Variants in MFF observed in about 807,000 individuals in gnomAD.
MFF encodes the protein mitochondrial fission factor.
Under a neutral mutation model 36.9 loss-of-function variants are expected in MFF, and 12 were observed. That is an observed-to-expected ratio of 0.33 (90% CI 0.21 to 0.53). The LOEUF is 0.53. Ranked by LOEUF, MFF falls within the 20% of genes least tolerant of loss-of-function variation. The pLI, the probability that MFF is intolerant of heterozygous loss-of-function variation, is 0.95. For missense variants in MFF, 348 were observed against 366.6 expected (o/e 0.95, Z 0.42); for synonymous variants, 99 against 126.2 (o/e 0.78, Z 1.44).
chr2:227,329,660 G>T, intron 2 of MFF: 1 of 971,440 alleles, frequency 1.0e-6, no homozygotes, highest in Non-Finnish European at 1.7e-6. Flanking sequence ...GTTCAAATGT[G>T]TAGGGGAATT....
At chr2:227,331,901 A>T (rs2074598390) in intron 3 of MFF, among the ~76,000 whole-genome samples, 1 of 148,538 alleles carries the variant, frequency 6.7e-6, no homozygotes, top group Non-Finnish European at 1.5e-5. Context: ...ACATTGCATA[A>T]TTTCTTATTT....
In MFF at chr2:227,355,746, T is replaced by C; in HGVS notation, c.729T>C (p.Ala243=). 6.2e-7 allele frequency: 1 copy of C among 1,606,030 alleles called. No individual in the cohort carries two copies. Among genetic ancestry groups the C allele is most frequent in the Admixed American group, 1.7e-5 (1 of 59,926 alleles). The change falls in exon 8 of 9, where the codon GCT becomes GCC. Residue 243 remains alanine, a synonymous_variant. Coordinates refer to ENST00000304593, the MANE Select transcript of MFF (RefSeq NM_001277062.2). ...ATGACCTGACTGTTGTAGATGCAGCTTCACTAAGACGACAGGTATTTAGTG... is the reference window on the plus strand; with the variant it reads ...ATGACCTGACTGTTGTAGATGCAGCCTCACTAAGACGACAGGTATTTAGTG... ...TSDDLTVVDA[A]SLRRQIIKLN...
intron 3 of MFF, among the ~76,000 whole-genome samples, chr2:227,331,311 A>G (rs2106348287): frequency 6.6e-6 from 1 of 152,258 alleles, no homozygotes; most frequent in South Asian, 2.1e-4. Flanking sequence ...TCTTTTGTTC[A>G]GTGTAATGTT....
At chr2:227,339,233 C>T (rs995098055) in intron 4 of MFF, among the ~76,000 whole-genome samples, 2 of 151,674 alleles carry the variant, frequency 1.3e-5, no homozygotes, top group African/African-American at 4.8e-5. Flanking sequence ...TTCAAATAAG[C>T]AGAAAAGTTA....
At chr2:227,328,295 C>CA (rs869086091) in intron 1 of MFF, among the ~76,000 whole-genome samples, 2,144 of 72,520 alleles carry the variant, frequency 0.03, 111 homozygotes, top group African/African-American at 0.087. Context: ...GCCCGGGTGA[C>CA]AAAAAAAAAA....
In MFF at chr2:227,357,769, A is replaced by G. The variant is rs1452990152; in HGVS notation, c.*652A>G. 1 of 152,274 alleles carries G rather than the reference A, an allele frequency of 6.6e-6. No individual in the cohort carries two copies. The highest frequency in any genetic ancestry group is 1.5e-5 in the Non-Finnish European group (1 of 68,054). 9.4% of individuals were successfully genotyped at this position (152,274 alleles called of 1,614,324 possible). On this transcript the variant is annotated 3_prime_UTR_variant, in exon 9 of 9. Transcript: ENST00000304593. ...ACGTTTTTACTCAGTTCATGCGTGA[A>G]CAATTTAAAAAACGACAGAATAAGG... is the stretch of plus-strand genomic sequence containing the variant.
chr2:227,352,699 T>C, intron 7 of MFF, 126 bp downstream of exon 7: 1 of 761,382 alleles, frequency 1.3e-6, no homozygotes, highest in Admixed American at 2.0e-5. Flanking sequence ...CTTTCCTCGA[T>C]GAGTACATCT....
At position 227,356,980 on chromosome 2, in the gene MFF, A is replaced by G. The variant is rs2076290735; in HGVS notation, c.745-6A>G. On this transcript the variant is annotated splice_polypyrimidine_tract_variant and splice_region_variant and intron_variant, in intron 8 of 8. Coordinates refer to ENST00000304593, the MANE Select transcript of MFF (RefSeq NM_001277062.2). ...TATATTTTTTGTGTGTTTGTTTTTC[A>G]CTTAGATAATCAAACTAAATAGACG... is the stretch of plus-strand genomic sequence containing the variant. 6.6e-7 allele frequency: 1 copy of G among 1,512,586 alleles called. No homozygotes were observed. The allele number at this position is 1,512,586 out of a possible 1,614,324, so 93.7% of individuals were successfully genotyped here. A position where few individuals can be genotyped will look rare whatever the true frequency, so the allele number is the denominator to read the frequency against.
intron 7 of MFF, 93 bp from the exon 8 acceptor site, chr2:227,355,584 C>T (rs140636059): frequency 6.3e-6 from 4 of 634,270 alleles, no homozygotes; most frequent in African/African-American, 3.7e-5. Context: ...TTTCTGAATA[C>T]TACTTTGAGC....
At chr2:227,355,979 G>T (rs1237945836) in intron 8 of MFF, among the ~76,000 whole-genome samples, 1 of 147,370 alleles carries the variant, frequency 6.8e-6, no homozygotes, top group Non-Finnish European at 1.5e-5. Context: ...TGTAATTCTG[G>T]CCAGTAACAA....
Position 227,342,753 on chromosome 2 carries a change from G to T in MFF, c.440+2373G>T, listed in dbSNP as rs759646757. On this transcript the variant is annotated intron_variant, in intron 5 of 8. Transcript: ENST00000304593. Reference sequence around the variant, plus strand: ...CATAATTATTATTTAAGGTGGCACAGATCAGATTCTGCCCCAAGAAATAAA... The same window carrying T: ...CATAATTATTATTTAAGGTGGCACATATCAGATTCTGCCCCAAGAAATAAA... The T allele has an allele frequency of 1.2e-5, 20 of 1,613,082 alleles. No homozygotes were observed. The South Asian group carries it at 1.9e-4, about 15-fold the overall frequency.
chr2:227,346,644 A>G (rs2075727783), intron 5 of MFF: 1 of 152,278 alleles, frequency 6.6e-6, no homozygotes, highest in Non-Finnish European at 1.5e-5. Flanking sequence ...TATGCTTACT[A>G]TAATTAAACA....
intron 4 of MFF, among the ~76,000 whole-genome samples, chr2:227,335,469 C>A (rs369493635): frequency 1.3e-5 from 2 of 152,036 alleles, no homozygotes; most frequent in African/African-American, 4.8e-5. Context: ...TACTAAATGC[C>A]GCTGAATTGT....
intron 5 of MFF, among the ~76,000 whole-genome samples, chr2:227,344,436 C>T (rs923327533): frequency 2.1e-4 from 32 of 152,170 alleles, no homozygotes; most frequent in African/African-American, 6.3e-4. Context: ...GAGATGAAAG[C>T]GCTGTTTCCC....
intron 5 of MFF, among the ~76,000 whole-genome samples, chr2:227,343,807 A>G (rs1035538855): frequency 3.3e-5 from 5 of 152,094 alleles, no homozygotes; most frequent in African/African-American, 9.7e-5. Flanking sequence ...TTTTCTTTTG[A>G]GACGGAGTCT....
At chr2:227,352,113 G>A (rs1032829479) in intron 6 of MFF, 7 of 164,116 alleles carry the variant, frequency 4.3e-5, no homozygotes, top group Non-Finnish European at 6.6e-5. Flanking sequence ...TGGTCATACC[G>A]GTGCAGCTAA....
At chr2:227,343,067 A>G (rs927975777) in intron 5 of MFF, among the ~76,000 whole-genome samples, 4 of 151,868 alleles carry the variant, frequency 2.6e-5, no homozygotes, top group Non-Finnish European at 4.4e-5. Flanking sequence ...AACCTGAAAT[A>G]TAATATGCAC....
intron 1 of MFF, 124 bp from the exon 2 acceptor site, chr2:227,328,554 T>C (rs2074344754): frequency 6.6e-6 from 1 of 152,200 alleles, no homozygotes; most frequent in African/African-American, 2.4e-5. Context: ...TTTATTTTCT[T>C]ACTGGTCTCT....
chr2:227,356,291 T>C (rs1056373770), intron 8 of MFF, among the ~76,000 whole-genome samples: 1 of 152,086 alleles, frequency 6.6e-6, no homozygotes, highest in Non-Finnish European at 1.5e-5. Flanking sequence ...CAAATAGATA[T>C]AGAGGGAAAT....
Sources: allele counts gnomAD v4.1 joint callset (sites outside exome capture counted in the v4.1 genomes callset), GRCh38; gene constraint gnomAD v4.1.1; transcripts MANE v1.5; gene names NCBI Gene and HGNC (gene_info 2026-07-23, HGNC 2026-07-21).